XRCC4: variants seen among roughly 807,000 people sequenced by gnomAD.
XRCC4 encodes the protein DNA repair protein XRCC4.
Under a neutral mutation model 39.1 loss-of-function variants are expected in XRCC4, and 28 were observed. The ratio of observed to expected loss-of-function variants is 0.72; its 90% confidence interval spans 0.53 to 0.98. XRCC4 has a LOEUF of 0.98. Ranked by LOEUF, XRCC4 falls within the 50% of genes least tolerant of loss-of-function variation. The pLI is 0.00. For synonymous variants in XRCC4, 123 were observed against 126.4 expected, an observed-to-expected ratio of 0.97 and a Z score of 0.18; for missense variants, 350 against 376.4, an observed-to-expected ratio of 0.93 and a Z score of 0.58.
chr5:83,088,820 T>G (rs1481934706), intron 1 of XRCC4, among the ~76,000 whole-genome samples: 2 of 152,232 alleles, frequency 1.3e-5, no homozygotes, highest in South Asian at 4.1e-4. Context: ...TTCTGAAGTT[T>G]AAAGATTATT....
intron 7 of XRCC4, among the ~76,000 whole-genome samples, chr5:83,292,121 A>G (rs1360695645): frequency 6.6e-6 from 1 of 151,734 alleles, no homozygotes. Context: ...GCAGCATCTC[A>G]TAGAGTTTGT....
intron 7 of XRCC4, among the ~76,000 whole-genome samples, chr5:83,322,194 A>G (rs963398287): frequency 6.6e-6 from 1 of 151,862 alleles, no homozygotes. Context: ...ATTGTTAGAC[A>G]TTTAATAGGA....
At chr5:83,150,465 G>A (rs1748650233) in intron 3 of XRCC4, among the ~76,000 whole-genome samples, 1 of 152,074 alleles carries the variant, frequency 6.6e-6, no homozygotes, top group Non-Finnish European at 1.5e-5. Flanking sequence ...GAGGTCACAT[G>A]GAGTTCTGAG....
At chr5:83,083,444 T>A (rs1745047313) in intron 1 of XRCC4, among the ~76,000 whole-genome samples, 1 of 149,260 alleles carries the variant, frequency 6.7e-6, no homozygotes, top group Non-Finnish European at 1.5e-5. Context: ...TGGCACAATC[T>A]CTACTCACTA....
At chr5:83,088,423 A>G (rs1189994622) in intron 1 of XRCC4, among the ~76,000 whole-genome samples, 1 of 152,164 alleles carries the variant, frequency 6.6e-6, no homozygotes, top group Non-Finnish European at 1.5e-5. Context: ...TCCTTAATGA[A>G]TGACTGGTAG....
At chr5:83,153,149 T>G (rs960895169) in intron 3 of XRCC4, among the ~76,000 whole-genome samples, 1 of 152,208 alleles carries the variant, frequency 6.6e-6, no homozygotes, top group Non-Finnish European at 1.5e-5. Flanking sequence ...ACTGGCTTTT[T>G]TTCACTCAGC....
chr5:83,354,609 T>C (rs1580544338), downstream of XRCC4, among the ~76,000 whole-genome samples: 1 of 152,216 alleles, frequency 6.6e-6, no homozygotes, highest in African/African-American at 2.4e-5. Flanking sequence ...CAGACGAGTA[T>C]AGCTATCTAC....
chr5:83,220,775 A>G (rs1417616100), intron 6 of XRCC4, among the ~76,000 whole-genome samples: 1 of 152,188 alleles, frequency 6.6e-6, no homozygotes, highest in East Asian at 1.9e-4. Flanking sequence ...GGGGAGTGAC[A>G]AAATAAAAAA....
intron 3 of XRCC4, among the ~76,000 whole-genome samples, chr5:83,134,576 C>G (rs939233143): frequency 8.5e-5 from 13 of 152,166 alleles, no homozygotes; most frequent in African/African-American, 2.7e-4. Context: ...CCAATCAGCT[C>G]TCTGCAAAAT....
chr5:83,095,449 T>C (rs62372714), intron 1 of XRCC4, among the ~76,000 whole-genome samples: 50,098 of 152,080 alleles, frequency 0.33, 9,180 homozygotes, highest in Non-Finnish European at 0.42. Context: ...GGTAGGAAAG[T>C]AGGCTTTGAG....
Position 83,104,890 on chromosome 5 carries a change from A to G in XRCC4, c.-10-20A>G. 1 of 1,604,748 alleles carries G rather than the reference A, an allele frequency of 6.2e-7. No homozygotes were observed. Among genetic ancestry groups the G allele is most frequent in the South Asian group, 1.1e-5 (1 of 90,290 alleles). The stretch of plus-strand genomic sequence containing the variant: ...GTTACAGTTTCTTTTAAAAATATTA[A>G]TTGTATTCTCCCATTACAGGTATTA... On this transcript the variant is annotated intron_variant, in intron 1 of 7. Coordinates refer to ENST00000396027, the MANE Select transcript of XRCC4 (RefSeq NM_003401.5).
intron 3 of XRCC4, among the ~76,000 whole-genome samples, chr5:83,183,464 G>A (rs1453694140): frequency 6.9e-6 from 1 of 145,514 alleles, no homozygotes; most frequent in Non-Finnish European, 1.5e-5. Flanking sequence ...GGCACATCAA[G>A]CCTGTAAGTG....
chr5:83,125,045 GTA>G (rs1288919649), intron 3 of XRCC4, among the ~76,000 whole-genome samples: 7 of 152,150 alleles, frequency 4.6e-5, no homozygotes, highest in African/African-American at 1.7e-4. Context: ...GTGTGTTATG[GTA>G]TCTTATTGTG....
At chr5:83,090,703 C>G (rs958675414) in intron 1 of XRCC4, among the ~76,000 whole-genome samples, 25 of 152,110 alleles carry the variant, frequency 1.6e-4, no homozygotes. Context: ...CACTGTAAGT[C>G]ACTTCATTAT....
At chr5:83,243,766 A>G (rs1406020799) in intron 6 of XRCC4, among the ~76,000 whole-genome samples, 2 of 152,222 alleles carry the variant, frequency 1.3e-5, no homozygotes, top group East Asian at 3.9e-4. Flanking sequence ...TGTCAGCTGG[A>G]TAAAGGAAGC....
At chr5:83,228,459 C>T (rs1752373919) in intron 6 of XRCC4, among the ~76,000 whole-genome samples, 1 of 152,010 alleles carries the variant, frequency 6.6e-6, no homozygotes, top group Non-Finnish European at 1.5e-5. Flanking sequence ...TAAGCCAACA[C>T]TTGAAAAAGA....
At chr5:83,202,613 G>A (rs1751253943) in intron 4 of XRCC4, among the ~76,000 whole-genome samples, 1 of 151,904 alleles carries the variant, frequency 6.6e-6, no homozygotes, top group African/African-American at 2.4e-5. Context: ...ATTACTACTG[G>A]TATATATGTG....
At chr5:83,201,923 T>G (rs1580363686) in intron 4 of XRCC4, among the ~76,000 whole-genome samples, 1 of 151,784 alleles carries the variant, frequency 6.6e-6, no homozygotes, top group East Asian at 1.9e-4. Context: ...GTGCCTGTAA[T>G]CTCAGCTACT....
chr5:83,107,507 G>C (rs1746254389), intron 2 of XRCC4, among the ~76,000 whole-genome samples: 1 of 151,686 alleles, frequency 6.6e-6, no homozygotes. Flanking sequence ...TAAACTCACT[G>C]ATTTCCATTA....
Sources: allele counts gnomAD v4.1 joint callset (sites outside exome capture counted in the v4.1 genomes callset), GRCh38; gene constraint gnomAD v4.1.1; transcripts MANE v1.5; gene names NCBI Gene and HGNC (gene_info 2026-07-23, HGNC 2026-07-21).